The following TULP4 variants were observed in gnomAD, a reference collection of about 807,000 sequenced individuals.
TULP4 encodes the protein TUB like protein 4, also known as tubby-related protein 4.
TULP4 carries 16 observed loss-of-function variants against 129.0 expected under a neutral mutation model. The ratio of observed to expected loss-of-function variants is 0.12; its 90% CI spans 0.08 to 0.19. The LOEUF (loss-of-function observed/expected upper bound fraction) is 0.19, where lower values mean the gene tolerates loss of function less well. Ranked by LOEUF, TULP4 falls within the 10% of genes least tolerant of loss-of-function variation. The pLI is 1.00. For synonymous variants in TULP4, 998 were observed against 854.0 expected, an observed-to-expected ratio of 1.17 and a Z score of -2.94; for missense variants, 1,842 against 2,059.1, an observed-to-expected ratio of 0.89 and a Z score of 2.04.
At chr6:158,446,878 A>G (rs1779058284) in intron 3 of TULP4, among the ~76,000 whole-genome samples, 1 of 152,136 alleles carries the variant, frequency 6.6e-6, no homozygotes, top group Non-Finnish European at 1.5e-5. Context: ...TATGGGCGCT[A>G]ATCCTATCGT....
chr6:158,278,038 TTC>T (rs1385028062), upstream of TULP4, among the ~76,000 whole-genome samples: 1 of 152,216 alleles, frequency 6.6e-6, no homozygotes, highest in East Asian at 1.9e-4. Context: ...TTTTGTTGGG[TTC>T]TCTCAGCATA....
intron 1 of TULP4, among the ~76,000 whole-genome samples, chr6:158,291,704 G>T (rs1467838120): frequency 4.6e-5 from 7 of 151,468 alleles, no homozygotes; most frequent in African/African-American, 1.7e-4. Context: ...CATTTCTCTT[G>T]ATCTCTTATA....
intron 13 of TULP4, among the ~76,000 whole-genome samples, chr6:158,505,525 C>T (rs946994010): frequency 5.3e-5 from 8 of 152,250 alleles, no homozygotes; most frequent in East Asian, 1.9e-4. Context: ...ATCAGCCCCT[C>T]GCAGAAAGTG....
At chr6:158,374,858 T>C (rs1414347780) in intron 1 of TULP4, among the ~76,000 whole-genome samples, 6 of 152,176 alleles carry the variant, frequency 3.9e-5, no homozygotes, top group African/African-American at 1.4e-4. Flanking sequence ...AGTAGCTTAT[T>C]AAGGACATTT....
At chr6:158,332,078 A>G (rs1409055751) in intron 1 of TULP4, among the ~76,000 whole-genome samples, 1 of 148,976 alleles carries the variant, frequency 6.7e-6, no homozygotes, top group East Asian at 2.0e-4. Context: ...AGGCTGAGAC[A>G]GGAGAATCAT....
chr6:158,504,243 A>G (rs904520730), intron 13 of TULP4, 65 bp downstream of exon 13: 1 of 1,333,374 alleles, frequency 7.5e-7, no homozygotes, highest in Non-Finnish European at 1.0e-6. Context: ...TTCGGCCTTC[A>G]AGGAGCATTT....
chr6:158,258,351 C>T (rs1476407955), intron 1 of TULP4, among the ~76,000 whole-genome samples: 1 of 152,236 alleles, frequency 6.6e-6, no homozygotes, highest in Non-Finnish European at 1.5e-5. Flanking sequence ...CCAGCAGTCT[C>T]TGCTGTTTGG....
rs1363106839 is a variant in TULP4, at chr6:158,429,725, G to A, written c.382-11G>A. ...ATTACAAATTGACTCTTTTCTGTGT[G>A]TGTCCCCAAGGTGAGTGATTTCACG... On this transcript the variant is annotated splice_polypyrimidine_tract_variant and intron_variant, in intron 2 of 13. Transcript: ENST00000367097. 1 of 1,603,196 alleles carries A rather than the reference G, an allele frequency of 6.2e-7. No homozygotes were observed. Among genetic ancestry groups the A allele is most frequent in the Admixed American group, 1.7e-5 (1 of 58,664 alleles).
At chr6:158,327,860 A>C (rs1779780824) in intron 1 of TULP4, among the ~76,000 whole-genome samples, 1 of 152,138 alleles carries the variant, frequency 6.6e-6, no homozygotes, top group African/African-American at 2.4e-5. Context: ...GTGCACCATG[A>C]ATCTCTTTGG....
intron 1 of TULP4, among the ~76,000 whole-genome samples, chr6:158,411,284 A>G (rs1013320218): frequency 4.6e-5 from 7 of 152,216 alleles, no homozygotes; most frequent in African/African-American, 1.2e-4. Context: ...AAAGGTGAAC[A>G]TGCCTCTGTC....
intron 1 of TULP4, among the ~76,000 whole-genome samples, chr6:158,298,462 C>G (rs926859950): frequency 2.0e-5 from 3 of 152,146 alleles, no homozygotes; most frequent in African/African-American, 7.2e-5. Flanking sequence ...CCTGACTTCC[C>G]GCAACATCTC....
rs1778241396 is a variant in TULP4 at position 158,417,695 on chromosome 6, G to T, written c.381+4502G>T. On this transcript the variant is annotated intron_variant, in intron 2 of 13. Coordinates refer to ENST00000367097, the MANE Select transcript of TULP4 (RefSeq NM_020245.5). ...TGTGGCTTAGAAGAGGAGTGTCCTT[G>T]AAACCAGCTCAGAGAAAAAGACTAC... 1.3e-5 allele frequency among the ~76,000 whole-genome samples: 2 copies of T among 152,166 alleles called. 1 individual carries two copies. Among genetic ancestry groups the T allele is most frequent in the South Asian group, 4.1e-4 (2 of 4,826 alleles).
chr6:158,341,999 A>G (rs970531416), intron 1 of TULP4, among the ~76,000 whole-genome samples: 3 of 151,236 alleles, frequency 2.0e-5, no homozygotes, highest in African/African-American at 7.3e-5. Flanking sequence ...GCTCACTGCA[A>G]CCTCTGTCTC....
rs543315460 is a variant in TULP4, at chr6:158,493,955, T to C, written c.1776+238T>C. Among the ~76,000 whole-genome samples, 73 of 152,070 alleles carry C rather than the reference T, an allele frequency of 4.8e-4. No homozygotes were observed. The highest frequency in any genetic ancestry group is 1.7e-3 in the African/African-American group (71 of 41,484). On this transcript the variant is annotated intron_variant, in intron 10 of 13. Coordinates refer to ENST00000367097, the MANE Select transcript of TULP4 (RefSeq NM_020245.5). This position sits in a 1 kb window ranked among gnomAD's most constrained non-coding sequence, Gnocchi z 4.4. ...TGACGGTGGGAGAGAACCTCCCACT[T>C]CCCATCACAGCTCCCACCGTCCAGC...
chr6:158,480,101 T>C (rs1779906058), intron 7 of TULP4, 126 bp downstream of exon 7: 1 of 700,130 alleles, frequency 1.4e-6, no homozygotes, highest in Admixed American at 2.8e-5. Context: ...TGCAGGATCC[T>C]GTCATGTGCT....
At chr6:158,437,974 A>G (rs1191281782) in intron 3 of TULP4, 1 of 152,188 alleles carries the variant, frequency 6.6e-6, no homozygotes. Context: ...GAACCGGCTC[A>G]AGTCAGAAAC....
intron 1 of TULP4, among the ~76,000 whole-genome samples, chr6:158,240,561 G>T (rs565647967): frequency 1.0e-5 from 1 of 95,746 alleles, no homozygotes; most frequent in Non-Finnish European, 2.4e-5. Flanking sequence ...GCGGCTGGCC[G>T]GGCAGAGGGG....
At chr6:158,243,732 CTTCT>C (rs1263618720) in intron 1 of TULP4, among the ~76,000 whole-genome samples, 8 of 151,698 alleles carry the variant, frequency 5.3e-5, no homozygotes, top group South Asian at 2.1e-4. Context: ...ATCAGGAAGT[CTTCT>C]TTCTTTCTTT....
At chr6:158,295,886 G>A (rs767346190) in intron 1 of TULP4, among the ~76,000 whole-genome samples, 4 of 151,908 alleles carry the variant, frequency 2.6e-5, no homozygotes, top group Non-Finnish European at 4.4e-5. Context: ...ATGAGACTCC[G>A]TCTCAAAAGA....
Sources: allele counts gnomAD v4.1 joint callset (sites outside exome capture counted in the v4.1 genomes callset), GRCh38; gene constraint gnomAD v4.1.1; non-coding constraint Gnocchi (gnomAD v3.1); transcripts MANE v1.5; gene names NCBI Gene and HGNC (gene_info 2026-07-23, HGNC 2026-07-21).